The following ADAMTSL1 variants were observed in gnomAD, a reference collection of about 807,000 sequenced individuals.
The protein encoded by ADAMTSL1 is ADAMTS-like protein 1.
In ADAMTSL1, 126 loss-of-function variants were observed where a neutral mutation model predicts 201.8. The observed-to-expected ratio is 0.62, with a 90% confidence interval of 0.54 to 0.72. The LOEUF (loss-of-function observed/expected upper bound fraction) is 0.72, where lower values mean the gene tolerates loss of function less well. Among genes scored for constraint, ADAMTSL1 ranks in the 30% least tolerant of loss-of-function variants. ADAMTSL1 has a pLI of 0.00. For missense variants in ADAMTSL1, 2,679 were observed against 2,277.8 expected, an observed-to-expected ratio of 1.18 and a Z score of -3.59; for synonymous variants, 1,121 against 903.4, an observed-to-expected ratio of 1.24 and a Z score of -4.32.
upstream of ADAMTSL1, among the ~76,000 whole-genome samples, chr9:18,471,418 T>C (rs140008494): frequency 1.3e-3 from 205 of 152,284 alleles, 2 homozygotes; most frequent in African/African-American, 4.6e-3. Context: ...GTACATAAAA[T>C]GGGGTGATTA....
chr9:18,147,895 C>A (rs1826717465), intron 1 of ADAMTSL1, among the ~76,000 whole-genome samples: 1 of 152,058 alleles, frequency 6.6e-6, no homozygotes, highest in Admixed American at 6.6e-5. Flanking sequence ...GCTTTTATCT[C>A]CATATTGGAG....
intron 2 of ADAMTSL1, among the ~76,000 whole-genome samples, chr9:18,254,425 C>A (rs1289853217): frequency 8.2e-6 from 1 of 121,800 alleles, no homozygotes; most frequent in Non-Finnish European, 1.6e-5. Flanking sequence ...TACAGTGGCG[C>A]GATCTCAGCT....
intron 26 of ADAMTSL1, among the ~76,000 whole-genome samples, chr9:18,899,800 T>G (rs142643826): frequency 6.6e-6 from 1 of 152,254 alleles, no homozygotes; most frequent in East Asian, 1.9e-4. Context: ...CAAGATGGAT[T>G]AAAGACTTAA....
chr9:18,250,907 C>T (rs537652563), intron 2 of ADAMTSL1, among the ~76,000 whole-genome samples: 8 of 152,152 alleles, frequency 5.3e-5, no homozygotes, highest in South Asian at 2.1e-4. Context: ...GCTAAAGAAA[C>T]GCAAAACTCT....
intron 2 of ADAMTSL1, among the ~76,000 whole-genome samples, chr9:18,460,294 A>G (rs1441921374): frequency 6.6e-6 from 1 of 152,180 alleles, no homozygotes; most frequent in Non-Finnish European, 1.5e-5. Flanking sequence ...AATCTTGTCA[A>G]GATTTTCGAG....
chr9:18,506,704 TA>T (rs533093415), intron 2 of ADAMTSL1, among the ~76,000 whole-genome samples: 1 of 152,174 alleles, frequency 6.6e-6, no homozygotes, highest in Non-Finnish European at 1.5e-5. Context: ...ATTAGAAAAG[TA>T]GAATGTAAAT....
chr9:18,406,269 G>A (rs1215959420), intron 2 of ADAMTSL1, among the ~76,000 whole-genome samples: 2 of 123,984 alleles, frequency 1.6e-5, no homozygotes, highest in African/African-American at 5.4e-5. Context: ...AAATGGTATG[G>A]CTCATTGGTA....
At chr9:18,282,109 G>A (rs889442962) in intron 2 of ADAMTSL1, among the ~76,000 whole-genome samples, 4 of 151,978 alleles carry the variant, frequency 2.6e-5, no homozygotes, top group South Asian at 4.1e-4. Context: ...TCCTTCCCCC[G>A]CTTTTAGATT....
intron 2 of ADAMTSL1, among the ~76,000 whole-genome samples, chr9:18,329,160 C>T (rs1402293902): frequency 1.3e-5 from 2 of 152,008 alleles, no homozygotes; most frequent in Non-Finnish European, 2.9e-5. Context: ...AGCTCCTTTG[C>T]CCCTTCTACC....
At chr9:18,088,198 G>A (rs1823852186) in intron 1 of ADAMTSL1, among the ~76,000 whole-genome samples, 2 of 152,136 alleles carry the variant, frequency 1.3e-5, no homozygotes, top group South Asian at 4.1e-4. Flanking sequence ...ATATTTATAT[G>A]CAAAACAAAT....
At chr9:18,774,671 A>C (rs1031849814) in intron 17 of ADAMTSL1, among the ~76,000 whole-genome samples, 2 of 152,176 alleles carry the variant, frequency 1.3e-5, no homozygotes, top group African/African-American at 2.4e-5. Context: ...AATTTGACTT[A>C]GTATGTTTTT....
intron 1 of ADAMTSL1, among the ~76,000 whole-genome samples, chr9:18,035,022 C>T (rs1821131398): frequency 6.6e-6 from 1 of 152,170 alleles, no homozygotes; most frequent in African/African-American, 2.4e-5. Flanking sequence ...GGTTTGATCC[C>T]AACTGTCTCT....
At chr9:18,184,718 A>T (rs572850072) in intron 2 of ADAMTSL1, among the ~76,000 whole-genome samples, 5 of 152,344 alleles carry the variant, frequency 3.3e-5, no homozygotes, top group African/African-American at 9.6e-5. Context: ...TTCACAACGC[A>T]TCTATAGAAG....
intron 23 of ADAMTSL1, among the ~76,000 whole-genome samples, chr9:18,869,368 T>C (rs530325707): frequency 6.6e-6 from 1 of 152,348 alleles, no homozygotes; most frequent in African/African-American, 2.4e-5. Flanking sequence ...CAGCTCACAA[T>C]GTGCCTCCAG....
Position 18,474,190 on chromosome 9 carries a change from A to C in ADAMTSL1, c.-43A>C. The C allele has an allele frequency of 6.2e-7, 1 of 1,601,170 alleles. No homozygotes were observed. The highest frequency in any genetic ancestry group is 8.6e-7 in the Non-Finnish European group (1 of 1,168,682). On this transcript the variant is annotated 5_prime_UTR_variant, in exon 1 of 29. Transcript: ENST00000380548. ...GACAGCAGGCAGAGGAGCACTTAGC[A>C]GCTTATTCAGTGTCCGATTCTGATT...
At chr9:18,051,759 C>T (rs577844619) in intron 1 of ADAMTSL1, among the ~76,000 whole-genome samples, 3 of 152,280 alleles carry the variant, frequency 2.0e-5, no homozygotes, top group Admixed American at 2.0e-4. Flanking sequence ...TTTTGGTTCA[C>T]ATCTGCATTC....
chr9:17,961,434 A>G (rs1194881182), intron 1 of ADAMTSL1, among the ~76,000 whole-genome samples: 1 of 151,994 alleles, frequency 6.6e-6, no homozygotes. Flanking sequence ...ATTTTTTAGT[A>G]GAGATGGGGT....
intron 20 of ADAMTSL1, among the ~76,000 whole-genome samples, chr9:18,802,451 T>TTATATAATTAGAATTAGAATCA (rs1322874608): frequency 6.6e-6 from 1 of 152,218 alleles, no homozygotes; most frequent in Non-Finnish European, 1.5e-5. Flanking sequence ...TCTTGATATT[T>TTATATAATTAGAATTAGAATCA]TATATAATTA....
intron 12 of ADAMTSL1, among the ~76,000 whole-genome samples, chr9:18,684,200 G>C (rs1564148609): frequency 6.6e-6 from 1 of 152,084 alleles, no homozygotes; most frequent in Non-Finnish European, 1.5e-5. Flanking sequence ...CCTTGGGGTA[G>C]TACTGAATGA....
Sources: gnomAD v4.1 joint callset for allele counts (sites outside exome capture counted in the v4.1 genomes callset) on GRCh38, gnomAD v4.1.1 for gene constraint, MANE v1.5 for transcripts, NCBI Gene and HGNC (gene_info 2026-07-23, HGNC 2026-07-21) for gene names.